The following DCLK2 variants were observed in gnomAD, a reference collection of about 807,000 sequenced individuals.
The protein encoded by DCLK2 is doublecortin like kinase 2.
In DCLK2, 31 loss-of-function variants were observed where a neutral mutation model predicts 78.4. The ratio of observed to expected loss-of-function variants is 0.40; its 90% CI spans 0.30 to 0.53. The LOEUF (loss-of-function observed/expected upper bound fraction) is 0.53, where lower values mean the gene tolerates loss of function less well. Among genes scored for constraint, DCLK2 ranks in the 20% least tolerant of loss-of-function variants. DCLK2 has a pLI of 0.61. For synonymous variants in DCLK2, 407 were observed against 374.9 expected (o/e 1.09, Z -0.99); for missense variants, 872 against 973.7 (o/e 0.90, Z 1.39).
intron 2 of DCLK2, among the ~76,000 whole-genome samples, chr4:150,128,725 G>C (rs1396787460): frequency 6.6e-6 from 1 of 152,122 alleles, no homozygotes; most frequent in African/African-American, 2.4e-5. Context: ...GGTTTCATAG[G>C]GTAAAGATTT....
Position 150,119,044 on chromosome 4 carries a change from T to TAATATA in DCLK2, c.756+16233_756+16234insATATAA, listed in dbSNP as rs141800668. Among the ~76,000 whole-genome samples the TAATATA allele has an allele frequency of 5.2e-5, 6 of 115,354 alleles. No homozygotes were observed. In the East Asian group the frequency reaches 1.1e-3, roughly 22 times the overall value. 75.7% of individuals were successfully genotyped at this position (115,354 alleles called of 152,430 possible). A position where few individuals can be genotyped will look rare whatever the true frequency, so the allele number is the denominator to read the frequency against. ...CTCTGTCTCAAAATAACAATAATAA[T>TAATATA]ATAATAATAATAATAATAATAACAA... On this transcript the variant is annotated intron_variant, in intron 2 of 15. Coordinates refer to ENST00000296550, the MANE Select transcript of DCLK2 (RefSeq NM_001040260.4).
At chr4:150,225,643 G>A (rs1741544979) in intron 8 of DCLK2, among the ~76,000 whole-genome samples, 1 of 152,210 alleles carries the variant, frequency 6.6e-6, no homozygotes, top group African/African-American at 2.4e-5. Flanking sequence ...ACTAAAAAAA[G>A]AATGTGAAAT....
At chr4:150,179,871 A>C (rs1431746960) in intron 2 of DCLK2, among the ~76,000 whole-genome samples, 1 of 152,156 alleles carries the variant, frequency 6.6e-6, no homozygotes, top group African/African-American at 2.4e-5. Flanking sequence ...TCAATTTCCA[A>C]ACATATTCAG....
intron 2 of DCLK2, among the ~76,000 whole-genome samples, chr4:150,147,613 A>AT (rs1237264191): frequency 6.6e-6 from 1 of 152,142 alleles, no homozygotes; most frequent in East Asian, 1.9e-4. Flanking sequence ...TATAATGTAA[A>AT]TTGTATTCCC....
At chr4:150,181,204 A>G (rs777133052) in intron 2 of DCLK2, among the ~76,000 whole-genome samples, 5 of 152,150 alleles carry the variant, frequency 3.3e-5, no homozygotes, top group Non-Finnish European at 7.3e-5. Context: ...TCTTTTGTTA[A>G]CCTGTCTTTT....
chr4:150,197,331 A>G (rs1317827595), intron 3 of DCLK2, among the ~76,000 whole-genome samples: 7 of 152,354 alleles, frequency 4.6e-5, no homozygotes, highest in African/African-American at 1.4e-4. Flanking sequence ...TTGCCTATCA[A>G]TACTACTGAT....
intron 15 of DCLK2, among the ~76,000 whole-genome samples, chr4:150,252,816 C>A (rs983585867): frequency 3.9e-5 from 6 of 152,126 alleles, no homozygotes; most frequent in Admixed American, 3.3e-4. Context: ...CCCCTCTAAC[C>A]CCATGTTACC....
At chr4:150,083,193 A>G (rs2150129334) in intron 1 of DCLK2, among the ~76,000 whole-genome samples, 1 of 152,352 alleles carries the variant, frequency 6.6e-6, no homozygotes, top group South Asian at 2.1e-4. Flanking sequence ...ATGTCCAGAT[A>G]ACAATCACAG....
At chr4:150,138,934 G>A (rs1331201033) in intron 2 of DCLK2, among the ~76,000 whole-genome samples, 1 of 151,992 alleles carries the variant, frequency 6.6e-6, no homozygotes, top group Non-Finnish European at 1.5e-5. Context: ...AAAGTGCTGG[G>A]ATTACAGGTG....
rs536595328 is a variant in DCLK2 at position 150,100,154 on chromosome 4, C to A, written c.422-2324C>A. Reference sequence around the variant, plus strand: ...TCTTGAACTCCTGGCCTCAAGCATTCCTCTTGCCTTGGCCTTCCAAAGTGC... The same window carrying A: ...TCTTGAACTCCTGGCCTCAAGCATTACTCTTGCCTTGGCCTTCCAAAGTGC... On this transcript the variant is annotated intron_variant, in intron 1 of 15. Coordinates refer to ENST00000296550, the MANE Select transcript of DCLK2 (RefSeq NM_001040260.4). 5.3e-5 allele frequency among the ~76,000 whole-genome samples: 8 copies of A among 152,302 alleles called. No individual in the cohort carries two copies. The South Asian group carries it at 1.7e-3, about 32-fold the overall frequency.
chr4:150,094,104 G>A (rs1288250254), intron 1 of DCLK2, among the ~76,000 whole-genome samples: 2 of 152,060 alleles, frequency 1.3e-5, no homozygotes, highest in Non-Finnish European at 2.9e-5. Context: ...ACTCCTAGAA[G>A]GAAAACATAA....
At chr4:150,172,765 G>GTTT (rs1560832137) in intron 2 of DCLK2, among the ~76,000 whole-genome samples, 1 of 134,788 alleles carries the variant, frequency 7.4e-6, no homozygotes, top group Non-Finnish European at 1.6e-5. Flanking sequence ...TTTTTTGGGG[G>GTTT]GGGGGGGGAT....
intron 15 of DCLK2, among the ~76,000 whole-genome samples, chr4:150,252,615 G>T (rs978139971): frequency 6.6e-6 from 1 of 152,216 alleles, no homozygotes; most frequent in Non-Finnish European, 1.5e-5. Flanking sequence ...CAGAACCTAT[G>T]TCGTGTGGTT....
chr4:150,079,044 G>A lies in DCLK2; in HGVS notation c.17G>A (p.Ser6Asn), dbSNP rs776787423. 1.3e-4 allele frequency: 206 copies of A among 1,545,188 alleles called. 1 individual carries two copies. Among genetic ancestry groups the A allele is most frequent in the Non-Finnish European group, 1.6e-4 (188 of 1,151,036 alleles). Residue 6 changes from serine (S) to asparagine (N), a missense_variant, in exon 1 of 16, where the codon AGT (serine) becomes AAT (asparagine). Ser to Asn is a conservative substitution (Grantham distance 46, BLOSUM62 1). Around this residue, in one of 3 missense-constraint regions of DCLK2, gnomAD observed 567 missense variants for 593.4 expected, o/e 0.96. Coordinates refer to ENST00000296550, the MANE Select transcript of DCLK2 (RefSeq NM_001040260.4). Reference sequence around the variant, plus strand: ...GCAGCCGCGATGGCCAGCACCAGGAGTATCGAGCTGGAGCACTTTGAGGAA... The same window carrying A: ...GCAGCCGCGATGGCCAGCACCAGGAATATCGAGCTGGAGCACTTTGAGGAA... Reference protein sequence around the residue: MASTRSIELEHFEERD... With the variant: MASTRNIELEHFEERD...
chr4:150,253,494 G>A (rs775410244), intron 15 of DCLK2: 1 of 1,289,654 alleles, frequency 7.8e-7, no homozygotes, highest in South Asian at 1.2e-5. Context: ...CAGTTTGAGA[G>A]GCACCTCAGA....
rs545756014 is a variant in DCLK2 at position 150,142,670 on chromosome 4, G to T, written c.756+39858G>T. Reference sequence around the variant, plus strand: ...AAATAATATATTAAATAAACTATCTGATTCGATACCCTTGGATCCGAGACT... The same window carrying T: ...AAATAATATATTAAATAAACTATCTTATTCGATACCCTTGGATCCGAGACT... On this transcript the variant is annotated intron_variant, in intron 2 of 15. Transcript: ENST00000296550. Among the ~76,000 whole-genome samples the T allele has an allele frequency of 3.3e-5, 5 of 152,266 alleles. No homozygotes were observed. In the East Asian group the frequency reaches 9.6e-4, roughly 29 times the overall value.
At chr4:150,169,356 C>T (rs908532702) in intron 2 of DCLK2, among the ~76,000 whole-genome samples, 7 of 152,124 alleles carry the variant, frequency 4.6e-5, no homozygotes, top group African/African-American at 1.4e-4. Flanking sequence ...GGCAGCCTTC[C>T]GAACAAGAAG....
At chr4:150,080,219 C>G (rs559781432) in intron 1 of DCLK2, among the ~76,000 whole-genome samples, 44 of 151,966 alleles carry the variant, frequency 2.9e-4, no homozygotes, top group Non-Finnish European at 3.8e-4. Context: ...ATCTCTCCAG[C>G]CTTATCCTCT....
At chr4:150,223,245 T>C (rs1405285450) in intron 7 of DCLK2, among the ~76,000 whole-genome samples, 1 of 152,194 alleles carries the variant, frequency 6.6e-6, no homozygotes, top group Non-Finnish European at 1.5e-5. Context: ...GGATTTAGTT[T>C]TTGTTATAGG....
Sources: allele counts gnomAD v4.1 joint callset (sites outside exome capture counted in the v4.1 genomes callset), GRCh38; gene constraint gnomAD v4.1.1; regional missense constraint gnomAD v4.1.1; transcripts MANE v1.5; gene names NCBI Gene and HGNC (gene_info 2026-07-23, HGNC 2026-07-21).